LAMA2: variants seen among roughly 807,000 people sequenced by gnomAD.
LAMA2 encodes the protein laminin subunit alpha 2.
LAMA2 carries 269 observed loss-of-function variants against 364.8 expected under a neutral mutation model. The ratio of observed to expected loss-of-function variants is 0.74; its 90% CI spans 0.67 to 0.82. The LOEUF is 0.82. Among genes scored for constraint, LAMA2 ranks in the 40% least tolerant of loss-of-function variants. The pLI, the probability that LAMA2 is intolerant of heterozygous loss-of-function variation, is 0.00. For missense variants in LAMA2, 3,807 were observed against 3,873.2 expected, an observed-to-expected ratio of 0.98 and a Z score of 0.45; for synonymous variants, 1,379 against 1,370.6, an observed-to-expected ratio of 1.01 and a Z score of -0.14.
intron 23 of LAMA2, among the ~76,000 whole-genome samples, chr6:129,314,398 C>CAAAAAAAAAAAAAAAAAAAA (rs3062342): frequency 1.3e-4 from 11 of 81,866 alleles, no homozygotes; most frequent in African/African-American, 5.5e-4. Flanking sequence ...GACTCCGTCT[C>CAAAAAAAAAAAAAAAAAAAA]AAAAAAAAAA....
rs74446787 is a variant in LAMA2, at chr6:129,017,015, A to G, written c.113-32903A>G. 5.8e-3 allele frequency among the ~76,000 whole-genome samples: 888 copies of G among 152,070 alleles called. 51 individuals are homozygous for G. In the East Asian group the frequency reaches 0.13, roughly 22 times the overall value. ...AAATCGTATATACAGCATATTTTTT[A>G]TATATGTATCTAAAATATGCTGAAT... On this transcript the variant is annotated intron_variant, in intron 1 of 64. Coordinates refer to ENST00000421865, the MANE Select transcript of LAMA2 (RefSeq NM_000426.4).
intron 4 of LAMA2, among the ~76,000 whole-genome samples, chr6:129,141,645 G>A (rs1347266053): frequency 6.6e-6 from 1 of 152,000 alleles, no homozygotes. Flanking sequence ...TCTAAATGCA[G>A]GACGTTAGGA....
intron 12 of LAMA2, among the ~76,000 whole-genome samples, 156 bp downstream of exon 12, chr6:129,193,009 A>T (rs1781622787): frequency 1.3e-5 from 2 of 152,212 alleles, no homozygotes; most frequent in Admixed American, 1.3e-4. Flanking sequence ...CGTTTCTTCC[A>T]TGTTGCACAA....
chr6:129,376,216 G>A (rs1236181850), intron 34 of LAMA2, among the ~76,000 whole-genome samples: 1 of 152,082 alleles, frequency 6.6e-6, no homozygotes, highest in African/African-American at 2.4e-5. Context: ...CGGATTGAGG[G>A]TATAAGCCAG....
At chr6:129,090,844 A>G (rs1332381790) in intron 3 of LAMA2, among the ~76,000 whole-genome samples, 1 of 152,206 alleles carries the variant, frequency 6.6e-6, no homozygotes, top group African/African-American at 2.4e-5. Context: ...ATTAATGGCC[A>G]CAGGTCCATC....
chr6:129,298,714 A>C (rs73776917), intron 21 of LAMA2, among the ~76,000 whole-genome samples: 1 of 152,350 alleles, frequency 6.6e-6, no homozygotes, highest in African/African-American at 2.4e-5. Context: ...AGTAGGAAGC[A>C]GTAGGAATAA....
At chr6:129,193,784 A>T (rs1781675970) in intron 12 of LAMA2, among the ~76,000 whole-genome samples, 1 of 152,204 alleles carries the variant, frequency 6.6e-6, no homozygotes, top group South Asian at 2.1e-4. Context: ...AAGCAAATAA[A>T]AGTATGTTTA....
At chr6:129,187,092 T>G (rs1306903133) in intron 10 of LAMA2, among the ~76,000 whole-genome samples, 1 of 151,832 alleles carries the variant, frequency 6.6e-6, no homozygotes, top group East Asian at 1.9e-4. Flanking sequence ...GGCTTCACTT[T>G]CAAGCTGGGA....
At chr6:128,963,796 A>G (rs1476879872) in intron 1 of LAMA2, among the ~76,000 whole-genome samples, 1 of 152,150 alleles carries the variant, frequency 6.6e-6, no homozygotes, top group African/African-American at 2.4e-5. Context: ...CATGCCTTTT[A>G]GCTGACAAAA....
At chr6:129,285,443 G>A (rs563384136) in intron 18 of LAMA2, among the ~76,000 whole-genome samples, 170 of 152,118 alleles carry the variant, frequency 1.1e-3, no homozygotes, top group Non-Finnish European at 2.0e-3. Context: ...CCTGAAATGA[G>A]TTTTTTTATT....
intron 1 of LAMA2, among the ~76,000 whole-genome samples, chr6:128,969,521 C>T (rs1562880949): frequency 1.3e-5 from 2 of 152,092 alleles, no homozygotes; most frequent in Non-Finnish European, 1.5e-5. Flanking sequence ...AACTTTGCCT[C>T]CCAGGCTCAA....
intron 12 of LAMA2, among the ~76,000 whole-genome samples, chr6:129,227,765 T>G (rs993524433): frequency 6.6e-6 from 1 of 152,130 alleles, no homozygotes; most frequent in Non-Finnish European, 1.5e-5. Flanking sequence ...AGTTAGGCTA[T>G]TCAGGGCTCA....
intron 1 of LAMA2, among the ~76,000 whole-genome samples, chr6:128,909,345 G>A (rs1408287286): frequency 6.6e-6 from 1 of 152,002 alleles, no homozygotes; most frequent in Non-Finnish European, 1.5e-5. Flanking sequence ...ATATATTTAG[G>A]TTAGTTAGCT....
Position 129,445,631 on chromosome 6 carries a change from A to G in LAMA2, c.6275-36A>G, listed in dbSNP as rs1782328294. 3.2e-6 allele frequency: 5 copies of G among 1,583,102 alleles called. No homozygotes were observed. In the South Asian group the frequency reaches 4.4e-5, roughly 14 times the overall value. On this transcript the variant is annotated intron_variant, in intron 44 of 64. Transcript: ENST00000421865. ...TAATTCTGTGTGTGCACGTGTGTGC[A>G]TGCATATACATGCACACTAATTTTG...
At chr6:129,514,730 C>G (rs749300175) in intron 64 of LAMA2, 135 bp downstream of exon 64, 7 of 759,424 alleles carry the variant, frequency 9.2e-6, no homozygotes, top group Non-Finnish European at 1.1e-5. Context: ...TGCTTAGAAT[C>G]TGCACCTTAC....
chr6:129,193,395 A>G (rs1781647176), intron 12 of LAMA2, among the ~76,000 whole-genome samples: 1 of 152,248 alleles, frequency 6.6e-6, no homozygotes, highest in Non-Finnish European at 1.5e-5. Flanking sequence ...AACTACCCTA[A>G]AAGTGCCAGA....
intron 3 of LAMA2, among the ~76,000 whole-genome samples, chr6:129,093,308 T>A (rs1248661877): frequency 8.8e-5 from 11 of 125,262 alleles, no homozygotes; most frequent in African/African-American, 1.8e-4. Flanking sequence ...TTTTTTTTTT[T>A]AAATCAAGAC....
intron 5 of LAMA2, among the ~76,000 whole-genome samples, chr6:129,145,876 A>G (rs1237631181): frequency 6.6e-6 from 1 of 151,994 alleles, no homozygotes; most frequent in Non-Finnish European, 1.5e-5. Flanking sequence ...ATACTACTGT[A>G]TCAGCTTTTT....
At chr6:129,168,917 C>T (rs557285007) in intron 9 of LAMA2, among the ~76,000 whole-genome samples, 333 of 151,350 alleles carry the variant, frequency 2.2e-3, no homozygotes, top group Non-Finnish European at 3.8e-3. Flanking sequence ...ATTTTATTCT[C>T]TTTGAAGCAA....
Sources: allele counts gnomAD v4.1 joint callset (sites outside exome capture counted in the v4.1 genomes callset), GRCh38; gene constraint gnomAD v4.1.1; transcripts MANE v1.5; gene names NCBI Gene and HGNC (gene_info 2026-07-23, HGNC 2026-07-21).